LHX4: variants seen among roughly 807,000 people sequenced by gnomAD.
LHX4 encodes the protein LIM homeobox 4, also known as LIM/homeobox protein Lhx4.
In LHX4, 16 loss-of-function variants were observed where a neutral mutation model predicts 39.2. That is an observed-to-expected ratio of 0.41 (90% CI 0.28 to 0.62). The LOEUF is 0.62. Ranked by LOEUF, LHX4 falls within the 20% of genes least tolerant of loss-of-function variation. The pLI is 0.33. For synonymous variants in LHX4, 206 were observed against 198.1 expected, an observed-to-expected ratio of 1.04 and a Z score of -0.33; for missense variants, 439 against 511.9, an observed-to-expected ratio of 0.86 and a Z score of 1.37.
intron 2 of LHX4, among the ~76,000 whole-genome samples, chr1:180,263,230 C>G (rs1403634591): frequency 6.6e-6 from 1 of 152,204 alleles, no homozygotes; most frequent in Non-Finnish European, 1.5e-5. Context: ...CACAGTTTTA[C>G]CTCGTGTGGG....
intron 2 of LHX4, among the ~76,000 whole-genome samples, chr1:180,255,330 ACACACATG>A (rs113342969): frequency 3.3e-4 from 50 of 152,314 alleles, no homozygotes; most frequent in South Asian, 2.9e-3. Flanking sequence ...GTGCGTACAC[ACACACATG>A]CACACATGCA....
At chr1:180,260,953 A>T (rs914365066) in intron 2 of LHX4, among the ~76,000 whole-genome samples, 16 of 151,982 alleles carry the variant, frequency 1.1e-4, no homozygotes, top group Admixed American at 8.5e-4. Flanking sequence ...TTATCTGTTA[A>T]AAGGTGTCAC....
rs1558228794 is a variant in LHX4 at position 180,275,917 on chromosome 1, A to T, written c.*1338A>T. The T allele has an allele frequency of 1.3e-5, 2 of 151,944 alleles. No homozygotes were observed. The highest frequency in any genetic ancestry group is 4.8e-5 in the African/African-American group (2 of 41,306). The allele number at this position is 151,944 out of a possible 1,614,324, so 9.4% of individuals were successfully genotyped here. A position where few individuals can be genotyped will look rare whatever the true frequency, so the allele number is the denominator to read the frequency against. Reference sequence around the variant, plus strand: ...TAAGCCTGAGGCCAGAGCAAGGCCAACCCCCGCTTTACGAGTTGCCACTCC... The same window carrying T: ...TAAGCCTGAGGCCAGAGCAAGGCCATCCCCCGCTTTACGAGTTGCCACTCC... On this transcript the variant is annotated 3_prime_UTR_variant, in exon 6 of 6. Transcript: ENST00000263726.
rs1485421738 is a variant in LHX4, at chr1:180,271,935, G to A, written c.707G>A (p.Gly236Asp). 6 of 1,613,396 alleles carry A rather than the reference G, an allele frequency of 3.7e-6. No individual in the cohort carries two copies. Among genetic ancestry groups the A allele is most frequent in the South Asian group, 3.3e-5 (3 of 91,040 alleles). ...QFYKSVKRSR[G>D]SSKQEKESSA... is the part of the protein sequence containing the mutation. ...TATAAGAGCGTCAAGAGGAGCCGGG[G>A]CAGCAGCAAGCAGGAGAAGGAGAGC... is the stretch of plus-strand genomic sequence containing the variant. The change falls in exon 5 of 6, where the codon GGC becomes GAC. Residue 236 changes from glycine (G) to aspartate (D), a missense_variant. Physicochemically the swap from Gly to Asp is moderately conservative, Grantham distance 94 (BLOSUM62 -1). Coordinates refer to ENST00000263726, the MANE Select transcript of LHX4 (RefSeq NM_033343.4).
rs1042023606 is a variant in LHX4, at chr1:180,278,208, C to T, written c.*3629C>T. On this transcript the variant is annotated 3_prime_UTR_variant, in exon 6 of 6. Coordinates refer to ENST00000263726, the MANE Select transcript of LHX4 (RefSeq NM_033343.4). ...AGGCCTGAGGAGGCTCATTTTTAAA[C>T]ACTGCACTTTAAAAATTGGAAACCG... 4 of 152,202 alleles carry T rather than the reference C, an allele frequency of 2.6e-5. No homozygotes were observed. Among genetic ancestry groups the T allele is most frequent in the African/African-American group, 9.6e-5 (4 of 41,452 alleles). 9.4% of individuals were successfully genotyped at this position (152,202 alleles called of 1,614,324 possible). A position where few individuals can be genotyped will look rare whatever the true frequency, so the allele number is the denominator to read the frequency against.
intron 1 of LHX4, among the ~76,000 whole-genome samples, chr1:180,235,845 C>T (rs1664304358): frequency 6.6e-6 from 1 of 152,204 alleles, no homozygotes; most frequent in African/African-American, 2.4e-5. Flanking sequence ...CGAGCGCATC[C>T]CTGTGTCTCA....
chr1:180,274,911 G>A lies in LHX4; in HGVS notation c.*332G>A. Reference sequence around the variant, plus strand: ...TTGGTAGCACAAGGTGACTGTGATAGGCCCCCTTGGCCTTTGGGAACTTTG... The same window carrying A: ...TTGGTAGCACAAGGTGACTGTGATAAGCCCCCTTGGCCTTTGGGAACTTTG... On this transcript the variant is annotated 3_prime_UTR_variant, in exon 6 of 6. Transcript: ENST00000263726. 4.3e-6 allele frequency: 1 copy of A among 233,678 alleles called. No homozygotes were observed. Among genetic ancestry groups the A allele is most frequent in the Admixed American group, 5.0e-5 (1 of 20,128 alleles). The allele number at this position is 233,678 out of a possible 1,614,324, so 14.5% of individuals were successfully genotyped here. A position where few individuals can be genotyped will look rare whatever the true frequency, so the allele number is the denominator to read the frequency against.
rs1358732966 is a variant in LHX4, at chr1:180,276,048, G to A, written c.*1469G>A. ...TCAGGAAGCTCTCCATGTGCAAACTGGAATTTAGCCAGCTGGAATTTATTC... is the reference window on the plus strand; with the variant it reads ...TCAGGAAGCTCTCCATGTGCAAACTAGAATTTAGCCAGCTGGAATTTATTC... On this transcript the variant is annotated 3_prime_UTR_variant, in exon 6 of 6. Transcript: ENST00000263726. 1 of 151,588 alleles carries A rather than the reference G, an allele frequency of 6.6e-6. No homozygotes were observed. The highest frequency in any genetic ancestry group is 1.5e-5 in the Non-Finnish European group (1 of 67,990). The allele number at this position is 151,588 out of a possible 1,614,324, so 9.4% of individuals were successfully genotyped here.
chr1:180,267,683 C>T (rs571036125), intron 3 of LHX4, among the ~76,000 whole-genome samples: 7 of 152,144 alleles, frequency 4.6e-5, no homozygotes, highest in Admixed American at 1.3e-4. Context: ...TGTGCAAAAA[C>T]GGCTCTTGTT....
chr1:180,235,804 A>T (rs1571255960), intron 1 of LHX4, among the ~76,000 whole-genome samples: 1 of 152,210 alleles, frequency 6.6e-6, no homozygotes, highest in African/African-American at 2.4e-5. Context: ...GGGTGCACTC[A>T]CCGCACGAGA....
rs371472641 is a variant in LHX4 at position 180,277,119 on chromosome 1, G to GCAAA, written c.*2543_*2546dup. On this transcript the variant is annotated 3_prime_UTR_variant, in exon 6 of 6. Transcript: ENST00000263726. Reference sequence around the variant, plus strand: ...TCCAGAGCCACCTCCCCAGAAAGCAGCAAACACTGCTGCCTGTTTAGAAGC... The same window carrying GCAAA: ...TCCAGAGCCACCTCCCCAGAAAGCAGCAAACAAACACTGCTGCCTGTTTAGAAGC... 1 of 145,600 alleles carries GCAAA rather than the reference G, an allele frequency of 6.9e-6. No individual in the cohort carries two copies. Among genetic ancestry groups the GCAAA allele is most frequent in the African/African-American group, 2.8e-5 (1 of 35,368 alleles). 9.0% of individuals were successfully genotyped at this position (145,600 alleles called of 1,614,324 possible).
intron 2 of LHX4, among the ~76,000 whole-genome samples, chr1:180,249,668 C>T (rs1352778067): frequency 2.6e-5 from 4 of 152,242 alleles, no homozygotes; most frequent in Non-Finnish European, 4.4e-5. Flanking sequence ...AATACGATTT[C>T]TCCCACATCT....
Position 180,271,998 on chromosome 1 carries a change from G to A in LHX4, c.770G>A (p.Ser257Asn), listed in dbSNP as rs1648698346. 2.5e-6 allele frequency: 4 copies of A among 1,612,324 alleles called. No homozygotes were observed. The highest frequency in any genetic ancestry group is 3.4e-6 in the Non-Finnish European group (4 of 1,179,562). The stretch of plus-strand genomic sequence containing the variant: ...TGTGGGGTTAGTGACAGTGAGCTGA[G>A]CTTCCGAGGTGAGCAGGGCTGGAGG... ...EDCGVSDSEL[S>N]FREDQILSEL... The change falls in exon 5 of 6, where the codon AGC becomes AAC. Residue 257 changes from serine to asparagine, a missense_variant. By Grantham distance (46) the Ser-to-Asn change is conservative (BLOSUM62 1). Transcript: ENST00000263726.
intron 3 of LHX4, chr1:180,269,657 T>G (rs1000254261): frequency 6.6e-6 from 1 of 152,248 alleles, no homozygotes; most frequent in South Asian, 2.1e-4. Context: ...AAAACATTTT[T>G]GGTGATTGCA....
chr1:180,248,161 C>T (rs1647460179), intron 1 of LHX4, 124 bp from the exon 2 acceptor site: 1 of 850,306 alleles, frequency 1.2e-6, no homozygotes, highest in Non-Finnish European at 2.0e-6. Flanking sequence ...TATGCAACAG[C>T]TCTGCGGTTT....
intron 2 of LHX4, among the ~76,000 whole-genome samples, chr1:180,252,680 C>T (rs550979374): frequency 6.2e-4 from 94 of 152,270 alleles, no homozygotes; most frequent in Non-Finnish European, 1.3e-3. Context: ...TTCTGCAGAT[C>T]AATACGGAGA....
At chr1:180,229,989 G>A (rs1166321554), upstream of LHX4, among the ~76,000 whole-genome samples, 1 of 136,074 alleles carries the variant, frequency 7.3e-6, no homozygotes, top group African/African-American at 3.0e-5. Flanking sequence ...CGGCTTGCGA[G>A]GCCCCGCCCC....
chr1:180,276,185 C>G lies in LHX4; in HGVS notation c.*1606C>G, dbSNP rs1649015774. 6.6e-6 allele frequency: 1 copy of G among 152,128 alleles called. No individual in the cohort carries two copies. Among genetic ancestry groups the G allele is most frequent in the African/African-American group, 2.4e-5 (1 of 41,396 alleles). The allele number at this position is 152,128 out of a possible 1,614,324, so 9.4% of individuals were successfully genotyped here. Reference sequence around the variant, plus strand: ...TTGCCTATCACATGAAGTGATGGGGCCAGAGACCCTAAGGACCCTTCCTTC... The same window carrying G: ...TTGCCTATCACATGAAGTGATGGGGGCAGAGACCCTAAGGACCCTTCCTTC... On this transcript the variant is annotated 3_prime_UTR_variant, in exon 6 of 6. Coordinates refer to ENST00000263726, the MANE Select transcript of LHX4 (RefSeq NM_033343.4).
intron 3 of LHX4, among the ~76,000 whole-genome samples, chr1:180,268,328 C>T (rs1648420964): frequency 6.6e-6 from 1 of 152,214 alleles, no homozygotes; most frequent in African/African-American, 2.4e-5. Flanking sequence ...AGCTCAGCAT[C>T]TCCTGATGTT....
Sources: allele counts gnomAD v4.1 joint callset (sites outside exome capture counted in the v4.1 genomes callset), GRCh38; gene constraint gnomAD v4.1.1; transcripts MANE v1.5; gene names NCBI Gene and HGNC (gene_info 2026-07-23, HGNC 2026-07-21).